The following CALN1 variants were observed in gnomAD, a reference collection of about 807,000 sequenced individuals.
CALN1 encodes the protein calneuron 1.
CALN1 carries 17 observed loss-of-function variants against 30.6 expected under a neutral mutation model. The ratio of observed to expected loss-of-function variants is 0.56; its 90% CI spans 0.38 to 0.83. The LOEUF (loss-of-function observed/expected upper bound fraction) is 0.83. Ranked by LOEUF, CALN1 falls within the 40% of genes least tolerant of loss-of-function variation. The probability of loss-of-function intolerance (pLI) is 0.00; values close to 1 mark genes in which losing one functional copy is unlikely to be tolerated. For synonymous variants in CALN1, 156 were observed against 131.4 expected, an observed-to-expected ratio of 1.19 and a Z score of -1.28; for missense variants, 291 against 354.9, an observed-to-expected ratio of 0.82 and a Z score of 1.45.
intron 3 of CALN1, among the ~76,000 whole-genome samples, chr7:72,194,289 G>T (rs1790831500): frequency 6.6e-6 from 1 of 152,146 alleles, no homozygotes; most frequent in South Asian, 2.1e-4. Context: ...CAGCACTTCG[G>T]GAGGCCGAGG....
At chr7:72,402,618 G>C (rs78708725) in intron 2 of CALN1, among the ~76,000 whole-genome samples, 1 of 152,134 alleles carries the variant, frequency 6.6e-6, no homozygotes, top group Admixed American at 6.5e-5. Flanking sequence ...AGCCATGAGG[G>C]TCTCCGAGGA....
chr7:72,072,501 CAGAT>C (rs1804466981), intron 4 of CALN1, among the ~76,000 whole-genome samples: 1 of 152,170 alleles, frequency 6.6e-6, no homozygotes, highest in South Asian at 2.1e-4. Context: ...TGCCCTGCAA[CAGAT>C]ACTAAAGGGA....
intron 3 of CALN1, among the ~76,000 whole-genome samples, chr7:72,199,651 G>A (rs753300869): frequency 6.6e-5 from 10 of 152,188 alleles, no homozygotes; most frequent in Non-Finnish European, 1.5e-4. Flanking sequence ...AGGAGTTCGA[G>A]CCTGGGCAAC....
At chr7:72,085,005 C>T (rs933444680) in intron 4 of CALN1, among the ~76,000 whole-genome samples, 3 of 152,156 alleles carry the variant, frequency 2.0e-5, no homozygotes, top group African/African-American at 4.8e-5. Context: ...ACTACCTGCC[C>T]GTTAGTCACT....
chr7:72,409,124 T>C (rs946431057), intron 1 of CALN1, among the ~76,000 whole-genome samples: 5 of 151,950 alleles, frequency 3.3e-5, no homozygotes, highest in African/African-American at 4.8e-5. Flanking sequence ...GCCTCCCCAG[T>C]AGCTGGGATT....
intron 5 of CALN1, among the ~76,000 whole-genome samples, chr7:71,979,774 T>C (rs1480633969): frequency 6.6e-6 from 1 of 152,094 alleles, no homozygotes; most frequent in Non-Finnish European, 1.5e-5. Flanking sequence ...CTTTGTATAA[T>C]TTAGGTGTCT....
intron 3 of CALN1, among the ~76,000 whole-genome samples, chr7:72,136,308 T>C (rs1809509269): frequency 6.6e-6 from 1 of 152,204 alleles, no homozygotes; most frequent in Non-Finnish European, 1.5e-5. Flanking sequence ...TACTTTTATA[T>C]TATGGAGATG....
chr7:71,881,623 C>T lies in CALN1; in HGVS notation c.502-71131G>A, dbSNP rs937081722. ...AAAATGTTTCCAAGGCATTGATTCA[C>T]GCTCCGATTAGAGCTCAACAGCCTT... On this transcript the variant is annotated intron_variant, in intron 5 of 6. Transcript: ENST00000395275. Among the ~76,000 whole-genome samples, 7 of 152,112 alleles carry T rather than the reference C, an allele frequency of 4.6e-5. No homozygotes were observed. In the South Asian group the frequency reaches 6.2e-4, roughly 14 times the overall value.
chr7:71,816,690 CT>C (rs1372220265), intron 5 of CALN1, among the ~76,000 whole-genome samples: 2 of 152,152 alleles, frequency 1.3e-5, no homozygotes, highest in East Asian at 3.9e-4. Flanking sequence ...TGGCTTATGC[CT>C]GTAATCCCAG....
intron 5 of CALN1, among the ~76,000 whole-genome samples, chr7:71,887,550 C>T (rs1251652384): frequency 1.3e-5 from 2 of 152,162 alleles, no homozygotes; most frequent in African/African-American, 2.4e-5. Context: ...CCACCCGCCT[C>T]GGCCTCCCAA....
chr7:72,397,714 T>TCTCTCTCACACACACACACACA (rs142607076), intron 2 of CALN1, among the ~76,000 whole-genome samples: 2 of 142,806 alleles, frequency 1.4e-5, no homozygotes, highest in Admixed American at 7.0e-5. Context: ...CCATTCTCTC[T>TCTCTCTCACACACACACACACA]CACACACACA....
intron 5 of CALN1, among the ~76,000 whole-genome samples, chr7:71,825,740 G>T (rs1788869002): frequency 6.6e-6 from 1 of 151,956 alleles, no homozygotes; most frequent in Admixed American, 6.6e-5. Flanking sequence ...AACGTTCAAA[G>T]CAGAAAGCAG....
At chr7:71,817,271 A>G (rs1178556858) in intron 5 of CALN1, among the ~76,000 whole-genome samples, 1 of 152,192 alleles carries the variant, frequency 6.6e-6, no homozygotes. Flanking sequence ...TTAGTATGCA[A>G]CTATGGACCC....
At chr7:72,064,995 C>T (rs935081485) in intron 4 of CALN1, among the ~76,000 whole-genome samples, 1 of 150,734 alleles carries the variant, frequency 6.6e-6, no homozygotes, top group African/African-American at 2.4e-5. Context: ...AGACATCAGG[C>T]TATTTGTAAA....
At chr7:72,197,258 C>T (rs1159856547) in intron 3 of CALN1, among the ~76,000 whole-genome samples, 1 of 134,530 alleles carries the variant, frequency 7.4e-6, no homozygotes, top group African/African-American at 2.7e-5. Flanking sequence ...GATCTCAGCT[C>T]ACTGCAATCT....
intron 2 of CALN1, among the ~76,000 whole-genome samples, chr7:72,356,095 T>C (rs191291479): frequency 7.2e-5 from 11 of 152,320 alleles, no homozygotes; most frequent in African/African-American, 1.4e-4. Context: ...CTGTATCCCA[T>C]AGATATGCAC....
chr7:72,174,945 C>T (rs1239519452), intron 3 of CALN1, among the ~76,000 whole-genome samples: 21 of 128,028 alleles, frequency 1.6e-4, no homozygotes, highest in Admixed American at 6.6e-4. Context: ...TTTTTTGAGA[C>T]GGAGTCTCGC....
intron 3 of CALN1, among the ~76,000 whole-genome samples, chr7:72,141,029 C>G (rs1809894303): frequency 6.6e-6 from 1 of 152,242 alleles, no homozygotes; most frequent in Non-Finnish European, 1.5e-5. Context: ...GCTATAGCAA[C>G]TCCATGGGCT....
At chr7:72,085,768 G>C (rs755294277) in intron 4 of CALN1, among the ~76,000 whole-genome samples, 5 of 152,144 alleles carry the variant, frequency 3.3e-5, no homozygotes, top group Admixed American at 2.6e-4. Flanking sequence ...TACGGTATTT[G>C]AATTATGTCT....
Sources: gnomAD v4.1 joint callset for allele counts (sites outside exome capture counted in the v4.1 genomes callset) on GRCh38, gnomAD v4.1.1 for gene constraint, MANE v1.5 for transcripts, NCBI Gene and HGNC (gene_info 2026-07-23, HGNC 2026-07-21) for gene names.